Variants in CUL5 observed in about 807,000 individuals in gnomAD.
CUL5 encodes cullin 5, also known as cullin-5.
A neutral mutation model predicts 108.8 loss-of-function variants in CUL5; 26 were observed. The ratio of observed to expected loss-of-function variants is 0.24; its 90% CI spans 0.18 to 0.33. The LOEUF is 0.33. Among genes scored for constraint, CUL5 ranks in the 10% least tolerant of loss-of-function variants. The probability of loss-of-function intolerance (pLI) is 1.00; values close to 1 mark genes in which losing one functional copy is unlikely to be tolerated. For synonymous variants in CUL5, 334 were observed against 298.0 expected (o/e 1.12, Z -1.25); for missense variants, 524 against 909.2 (o/e 0.58, Z 5.45).
At chr11:108,082,925 C>T (rs776413028) in intron 11 of CUL5, among the ~76,000 whole-genome samples, 10 of 152,178 alleles carry the variant, frequency 6.6e-5, no homozygotes, top group African/African-American at 1.2e-4. Flanking sequence ...CCATGCCCAA[C>T]CACAAATAAT....
chr11:108,091,052 CT>C (rs1011719981), intron 13 of CUL5, among the ~76,000 whole-genome samples: 35 of 151,870 alleles, frequency 2.3e-4, no homozygotes, highest in African/African-American at 8.2e-4. Flanking sequence ...TTCTTTCTTT[CT>C]TTTTTTCTTT....
At chr11:108,084,790 T>C (rs1397751098) in intron 11 of CUL5, 1 of 152,160 alleles carries the variant, frequency 6.6e-6, no homozygotes, top group African/African-American at 2.4e-5. Flanking sequence ...CCCAGTAGGA[T>C]GACTAAAATA....
chr11:108,014,877 C>T lies in CUL5; in HGVS notation c.24+5505C>T, dbSNP rs148306132. Among the ~76,000 whole-genome samples the T allele has an allele frequency of 6.0e-3, 911 of 152,074 alleles. 8 individuals are homozygous for T. The highest frequency in any genetic ancestry group is 0.021 in the African/African-American group (865 of 41,500). The stretch of plus-strand genomic sequence containing the variant: ...CAACCAGGGTAAAAGAGAGAGTGCT[C>T]GGTGCTCTTATTATTATTATTATTT... On this transcript the variant is annotated intron_variant, in intron 1 of 18. Transcript: ENST00000393094.
intron 1 of CUL5, among the ~76,000 whole-genome samples, chr11:108,022,006 A>G (rs1270833786): frequency 1.3e-5 from 2 of 149,578 alleles, no homozygotes; most frequent in Non-Finnish European, 3.0e-5. Flanking sequence ...CTACCTATCT[A>G]TCCATCGATC....
At chr11:108,060,961 T>G (rs962508776) in intron 7 of CUL5, among the ~76,000 whole-genome samples, 3 of 152,178 alleles carry the variant, frequency 2.0e-5, no homozygotes, top group African/African-American at 7.2e-5. Flanking sequence ...CAGGCATTAT[T>G]TTTGAAGAGT....
At chr11:108,048,835 T>G (rs1374222467) in intron 3 of CUL5, among the ~76,000 whole-genome samples, 1 of 151,714 alleles carries the variant, frequency 6.6e-6, no homozygotes, top group Non-Finnish European at 1.5e-5. Flanking sequence ...CCTGGCTAAT[T>G]TTTGTATTTT....
At chr11:108,054,584 T>C (rs1863325612) in intron 5 of CUL5, 63 bp from the exon 6 acceptor site, 1 of 1,165,168 alleles carries the variant, frequency 8.6e-7, no homozygotes, top group African/African-American at 1.6e-5. Flanking sequence ...TTATTTCATT[T>C]ATTATACTCA....
rs1183004958 is a variant in CUL5, at chr11:108,009,149, C to A, written c.-200C>A. ...CTTTCGCGTGGGGAAGCTCCGGTGA[C>A]CATGTAGGGGAGAAGAGTGAGGAAG... is the stretch of plus-strand genomic sequence containing the variant. On this transcript the variant is annotated 5_prime_UTR_variant, in exon 1 of 19. Coordinates refer to ENST00000393094, the MANE Select transcript of CUL5 (RefSeq NM_003478.6). The A allele has an allele frequency of 4.9e-6, 3 of 609,762 alleles. No individual in the cohort carries two copies. The highest frequency in any genetic ancestry group is 5.6e-5 in the East Asian group (2 of 35,500). 37.8% of individuals were successfully genotyped at this position (609,762 alleles called of 1,614,324 possible).
intron 7 of CUL5, among the ~76,000 whole-genome samples, chr11:108,060,263 G>A (rs2135153564): frequency 6.6e-6 from 1 of 152,190 alleles, no homozygotes; most frequent in South Asian, 2.1e-4. Flanking sequence ...ACTAATGATA[G>A]TAGTACAGAA....
At chr11:108,077,179 G>A (rs575739820) in intron 10 of CUL5, among the ~76,000 whole-genome samples, 2 of 152,316 alleles carry the variant, frequency 1.3e-5, no homozygotes, top group East Asian at 1.9e-4. Flanking sequence ...ATGAGGAGTC[G>A]TCTTTCATGA....
chr11:108,099,431 G>A (rs999002940), intron 18 of CUL5, among the ~76,000 whole-genome samples: 2 of 152,126 alleles, frequency 1.3e-5, no homozygotes, highest in Non-Finnish European at 2.9e-5. Flanking sequence ...TTTCTATGGG[G>A]CAATAAATAA....
intron 4 of CUL5, 125 bp downstream of exon 4, chr11:108,050,191 CTT>C (rs1434130869): frequency 7.5e-6 from 5 of 664,864 alleles, no homozygotes; most frequent in Non-Finnish European, 7.5e-6. Context: ...CTTTTCAGCT[CTT>C]AACTAGATTT....
intron 4 of CUL5, among the ~76,000 whole-genome samples, chr11:108,050,933 C>T (rs376922169): frequency 6.6e-6 from 1 of 152,208 alleles, no homozygotes; most frequent in African/African-American, 2.4e-5. Context: ...GCTCTTCAAA[C>T]TCCGTCCTCA....
chr11:108,084,199 G>C (rs1238915456), intron 11 of CUL5, among the ~76,000 whole-genome samples: 4 of 152,090 alleles, frequency 2.6e-5, no homozygotes, highest in Admixed American at 6.6e-5. Context: ...CTGCTGCTGA[G>C]AACAACTAGA....
intron 2 of CUL5, among the ~76,000 whole-genome samples, chr11:108,035,112 G>T (rs114738457): frequency 0.014 from 2,165 of 152,176 alleles, 52 homozygotes; most frequent in African/African-American, 0.05. Context: ...GTTGCAAACT[G>T]TAACCAATCC....
At chr11:108,077,314 G>A (rs1175063398) in intron 10 of CUL5, among the ~76,000 whole-genome samples, 1 of 152,216 alleles carries the variant, frequency 6.6e-6, no homozygotes, top group Non-Finnish European at 1.5e-5. Flanking sequence ...ATAAACCATT[G>A]TCTTCAGCAA....
chr11:108,064,711 A>G (rs1168886782), intron 7 of CUL5, among the ~76,000 whole-genome samples: 1 of 152,144 alleles, frequency 6.6e-6, no homozygotes, highest in Non-Finnish European at 1.5e-5. Context: ...CTCTGTCTCA[A>G]AAAACAAAAA....
chr11:108,046,526 T>TGAAATGAAA, intron 3 of CUL5, 157 bp downstream of exon 3: 1 of 547,514 alleles, frequency 1.8e-6, no homozygotes, highest in Admixed American at 3.6e-5. Flanking sequence ...ATGATCGTCA[T>TGAAATGAAA]TAGTTGGATT....
chr11:108,084,217 G>A (rs1480450424), intron 11 of CUL5, among the ~76,000 whole-genome samples: 1 of 152,138 alleles, frequency 6.6e-6, no homozygotes, highest in Non-Finnish European at 1.5e-5. Context: ...AGAAAATCAG[G>A]TAAATGTAAA....
Sources: gnomAD v4.1 joint callset for allele counts (sites outside exome capture counted in the v4.1 genomes callset) on GRCh38, gnomAD v4.1.1 for gene constraint, MANE v1.5 for transcripts, NCBI Gene and HGNC (gene_info 2026-07-23, HGNC 2026-07-21) for gene names.